Variants in CYP20A1 observed in about 807,000 individuals in gnomAD.
The protein encoded by CYP20A1 is cytochrome P450 family 20 subfamily A member 1.
In CYP20A1, 61 loss-of-function variants were observed where a neutral mutation model predicts 61.4. The ratio of observed to expected loss-of-function variants is 0.99; its 90% confidence interval spans 0.81 to 1.23. The LOEUF (loss-of-function observed/expected upper bound fraction) is 1.23. Among genes scored for constraint, CYP20A1 ranks in the 50% most tolerant of loss-of-function variants. The pLI, the probability that CYP20A1 is intolerant of heterozygous loss-of-function variation, is 0.00. For synonymous variants in CYP20A1, 193 were observed against 188.2 expected (o/e 1.03, Z -0.21); for missense variants, 530 against 542.4 (o/e 0.98, Z 0.23).
At chr2:203,239,287 C>A (rs2066157495) in intron 1 of CYP20A1, among the ~76,000 whole-genome samples, 153 bp downstream of exon 1, 1 of 152,136 alleles carries the variant, frequency 6.6e-6, no homozygotes. Flanking sequence ...GGACCGCACC[C>A]GGAGTCACGT....
At chr2:203,282,068 G>C (rs1224334816) in intron 8 of CYP20A1, among the ~76,000 whole-genome samples, 3 of 66,552 alleles carry the variant, frequency 4.5e-5, no homozygotes, top group Non-Finnish European at 9.1e-5. Context: ...ACGGAGTTTT[G>C]CTCTTGTCAC....
chr2:203,285,778 A>G (rs1376282923), intron 9 of CYP20A1, 46 bp downstream of exon 9: 1 of 1,479,980 alleles, frequency 6.8e-7, no homozygotes, highest in Non-Finnish European at 8.9e-7. Context: ...GTAAATTTGA[A>G]CTGGTTTATC....
Position 203,285,688 on chromosome 2 carries a change from T to C in CYP20A1, c.927T>C (p.Val309=), listed in dbSNP as rs781482828. ...AATTATATGAAGAGATAAACCAAGTTTTTGGAAATGGTCCTGTTACTCCAG... is the reference window on the plus strand; with the variant it reads ...AATTATATGAAGAGATAAACCAAGTCTTTGGAAATGGTCCTGTTACTCCAG... ...QKKLYEEINQ[V]FGNGPVTPEK... The change falls in exon 9 of 13, where the codon GTT becomes GTC. Residue 309 remains valine, a synonymous_variant. Coordinates refer to ENST00000356079, the MANE Select transcript of CYP20A1 (RefSeq NM_177538.3). 3 of 1,605,014 alleles carry C rather than the reference T, an allele frequency of 1.9e-6. No individual in the cohort carries two copies. Among genetic ancestry groups the C allele is most frequent in the Admixed American group, 1.7e-5 (1 of 57,576 alleles).
intron 4 of CYP20A1, 129 bp from the exon 5 acceptor site, chr2:203,266,385 A>AT (rs1383760949): frequency 1.7e-5 from 13 of 757,094 alleles, no homozygotes; most frequent in African/African-American, 5.2e-5. Flanking sequence ...AGTCTGACAG[A>AT]TTCGTACCTG....
chr2:203,262,319 A>G (rs1333691636), intron 4 of CYP20A1, among the ~76,000 whole-genome samples: 2 of 152,146 alleles, frequency 1.3e-5, no homozygotes, highest in Admixed American at 6.5e-5. Flanking sequence ...CAGCCCCTCA[A>G]AGTGCTGGGA....
chr2:203,256,085 G>T (rs4675327), intron 4 of CYP20A1, among the ~76,000 whole-genome samples: 140,681 of 152,166 alleles, frequency 0.92, 65,290 homozygotes, highest in Non-Finnish European at 0.96. Context: ...CACCCCAGCC[G>T]CCTGAGTAGC....
chr2:203,272,775 G>T, intron 6 of CYP20A1, 27 bp downstream of exon 6: 3 of 1,403,110 alleles, frequency 2.1e-6, no homozygotes, highest in South Asian at 2.5e-5. Flanking sequence ...AATTTTTAGT[G>T]AGGACAAAAA....
At chr2:203,279,951 A>C (rs1329795444) in intron 7 of CYP20A1, 108 bp from the exon 8 acceptor site, 2 of 651,778 alleles carry the variant, frequency 3.1e-6, no homozygotes. Context: ...GAAATAATAT[A>C]CTTTTTTTTT....
chr2:203,249,158 A>G (rs893051263), intron 3 of CYP20A1, among the ~76,000 whole-genome samples: 1 of 152,256 alleles, frequency 6.6e-6, no homozygotes, highest in Non-Finnish European at 1.5e-5. Flanking sequence ...TACAAGATCT[A>G]GAAGCTATAA....
At chr2:203,258,092 G>T (rs1202053053) in intron 4 of CYP20A1, among the ~76,000 whole-genome samples, 1 of 82,164 alleles carries the variant, frequency 1.2e-5, no homozygotes, top group African/African-American at 3.1e-5. Flanking sequence ...ATGTAGAGAT[G>T]CGGTCACACT....
intron 11 of CYP20A1, among the ~76,000 whole-genome samples, chr2:203,294,941 A>ATTTTTTTTTTTTTT (rs1167546590): frequency 1.1e-4 from 5 of 45,428 alleles, no homozygotes; most frequent in African/African-American, 4.2e-4. Context: ...CTTTAAAAAA[A>ATTTTTTTTTTTTTT]TTTTTTTTTT....
At position 203,298,531 on chromosome 2, in the gene CYP20A1, TACA is replaced by T. The variant is rs1405798656; in HGVS notation, c.*1625_*1627del. Among the ~76,000 whole-genome samples the T allele has an allele frequency of 5.5e-5, 1 of 18,244 alleles. No individual in the cohort carries two copies. The highest frequency in any genetic ancestry group is 1.3e-4 in the Non-Finnish European group (1 of 7,596). The allele number at this position is 18,244 out of a possible 152,430, so 12.0% of individuals were successfully genotyped here. ...GGTGAAACCCCGTCTCTACTAAAAA[TACA>T]AAAAAAAAAAAAAAAAATTAGCCAG... On this transcript the variant is annotated 3_prime_UTR_variant, in exon 13 of 13. Coordinates refer to ENST00000356079, the MANE Select transcript of CYP20A1 (RefSeq NM_177538.3).
chr2:203,269,497 C>CTT (rs373653086), intron 5 of CYP20A1, among the ~76,000 whole-genome samples: 51,308 of 139,196 alleles, frequency 0.37, 9,818 homozygotes, highest in East Asian at 0.62. Context: ...ATATATAGTT[C>CTT]TTTTTTTTTT....
chr2:203,257,987 G>GAACGCCTGGGCTCAAGTGCAGTGGCAC (rs2066975515), intron 4 of CYP20A1, among the ~76,000 whole-genome samples: 1 of 152,144 alleles, frequency 6.6e-6, no homozygotes, highest in South Asian at 2.1e-4. Flanking sequence ...CTGGAGCATC[G>GAACGCCTGGGCTCAAGTGCAGTGGCAC]AATTCCTGGG....
At chr2:203,243,999 G>T (rs1369899965) in intron 1 of CYP20A1, among the ~76,000 whole-genome samples, 1 of 152,004 alleles carries the variant, frequency 6.6e-6, no homozygotes. Context: ...CTATTTCATT[G>T]AAAAAATGAC....
chr2:203,294,092 C>T (rs2068666239), intron 11 of CYP20A1, among the ~76,000 whole-genome samples: 1 of 152,098 alleles, frequency 6.6e-6, no homozygotes, highest in African/African-American at 2.4e-5. Flanking sequence ...TCAAGTAATG[C>T]TCCTACCTCA....
intron 4 of CYP20A1, among the ~76,000 whole-genome samples, chr2:203,257,058 G>T (rs1301050678): frequency 1.3e-5 from 2 of 150,838 alleles, no homozygotes; most frequent in Non-Finnish European, 3.0e-5. Flanking sequence ...ACATACAGTT[G>T]GGGTCTCACC....
intron 3 of CYP20A1, among the ~76,000 whole-genome samples, chr2:203,250,444 G>C (rs2066617750): frequency 6.6e-6 from 1 of 152,144 alleles, no homozygotes; most frequent in African/African-American, 2.4e-5. Flanking sequence ...GCTAATTAGT[G>C]ATGGAGCTAG....
At position 203,270,130 on chromosome 2, in the gene CYP20A1, C is replaced by T. The variant is rs192493563; in HGVS notation, c.601-2540C>T. 3.8e-3 allele frequency among the ~76,000 whole-genome samples: 573 copies of T among 151,944 alleles called. 5 individuals carry two copies. The highest frequency in any genetic ancestry group is 0.01 in the Middle Eastern group (3 of 294). ...GGAAAATTTGCTGCATGTGGTAGTA[C>T]ATTCTTTTAGTCCCAACTGCTTGTG... On this transcript the variant is annotated intron_variant, in intron 5 of 12. Coordinates refer to ENST00000356079, the MANE Select transcript of CYP20A1 (RefSeq NM_177538.3).
Sources: allele counts gnomAD v4.1 joint callset (sites outside exome capture counted in the v4.1 genomes callset), GRCh38; gene constraint gnomAD v4.1.1; transcripts MANE v1.5; gene names NCBI Gene and HGNC (gene_info 2026-07-23, HGNC 2026-07-21).